Variants in EPG5 observed in about 807,000 individuals in gnomAD.
The protein encoded by EPG5 is ectopic P-granules 5 autophagy tethering factor.
A neutral mutation model predicts 302.7 loss-of-function variants in EPG5; 159 were observed. That is an observed-to-expected ratio of 0.53 (90% CI 0.46 to 0.60). The LOEUF (loss-of-function observed/expected upper bound fraction) is 0.60. Ranked by LOEUF, EPG5 falls within the 20% of genes least tolerant of loss-of-function variation. EPG5 has a pLI of 0.00. For synonymous variants in EPG5, 1,158 were observed against 1,136.8 expected, an observed-to-expected ratio of 1.02 and a Z score of -0.37; for missense variants, 2,896 against 3,092.4, an observed-to-expected ratio of 0.94 and a Z score of 1.51.
chr18:45,913,128 A>C (rs1281378359), intron 21 of EPG5, among the ~76,000 whole-genome samples: 4 of 152,030 alleles, frequency 2.6e-5, no homozygotes, highest in African/African-American at 9.7e-5. Flanking sequence ...AGAAAATGTC[A>C]CTATGTGACT....
At chr18:45,842,866 C>T (rs899882785), downstream of EPG5, 1 of 152,542 alleles carries the variant, frequency 6.6e-6, no homozygotes, top group Non-Finnish European at 1.5e-5. Flanking sequence ...ACACAGAGTT[C>T]CAGAGAGCAA....
chr18:45,835,925 A>G, the EPG5 span, among the ~76,000 whole-genome samples: 4 of 152,220 alleles, frequency 2.6e-5, no homozygotes, highest in South Asian at 4.1e-4. Flanking sequence ...AGAAGGCTCA[A>G]TGGGTCCAGG....
In EPG5 at chr18:45,933,083, C is replaced by G. The variant is rs562246525; in HGVS notation, c.2257+1726G>C. Among the ~76,000 whole-genome samples, 21 of 152,226 alleles carry G rather than the reference C, an allele frequency of 1.4e-4. No homozygotes were observed. The South Asian group carries it at 2.1e-3, about 15-fold the overall frequency. On this transcript the variant is annotated intron_variant, in intron 11 of 43. Coordinates refer to ENST00000282041, the MANE Select transcript of EPG5 (RefSeq NM_020964.3). ...TGCTGCTGACCATCCCAGGCACTTC[C>G]AAAGGAAATGTCTGCTTCTGTATTA... is the stretch of plus-strand genomic sequence containing the variant.
chr18:45,831,548 T>G, the EPG5 span, among the ~76,000 whole-genome samples: 4 of 152,206 alleles, frequency 2.6e-5, no homozygotes, highest in East Asian at 7.7e-4. Context: ...TAATTGCCAC[T>G]GCAACTGTAT....
chr18:45,944,983 A>G (rs2050754911), intron 7 of EPG5, among the ~76,000 whole-genome samples: 2 of 152,174 alleles, frequency 1.3e-5, no homozygotes, highest in Admixed American at 6.5e-5. Flanking sequence ...TTTTCGTTTG[A>G]CACAGAGCAC....
chr18:45,913,565 T>G, intron 21 of EPG5, 141 bp downstream of exon 21: 1 of 1,011,606 alleles, frequency 9.9e-7, no homozygotes, highest in South Asian at 1.6e-5. Flanking sequence ...ATTACACAGT[T>G]TTAAGTATTG....
rs772963749 is a variant in EPG5, at chr18:45,852,631, A to C, written c.7576T>G (p.Ser2526Ala). 5.0e-6 allele frequency: 8 copies of C among 1,613,972 alleles called. No homozygotes were observed. The Admixed American group carries it at 6.7e-5, about 13-fold the overall frequency. Reference sequence around the variant, plus strand: ...ACATACTGCTTACTTGATGCCATGGATTCAAGAGCATTCAGAGCCTAAAAG... The same window carrying C: ...ACATACTGCTTACTTGATGCCATGGCTTCAAGAGCATTCAGAGCCTAAAAG... ...KAQQALNALE[S>A]MASSKQYVEY... The change falls in exon 44 of 44, where the codon TCC becomes GCC. Residue 2526 changes from serine to alanine, a missense_variant. By Grantham distance (99) the Ser-to-Ala change is moderately conservative (BLOSUM62 1). Coordinates refer to ENST00000282041, the MANE Select transcript of EPG5 (RefSeq NM_020964.3).
chr18:45,922,242 T>C (rs572526149), intron 16 of EPG5, 99 bp downstream of exon 16: 4 of 1,456,286 alleles, frequency 2.7e-6, no homozygotes, highest in Non-Finnish European at 3.7e-6. Flanking sequence ...TGCTCCGCAA[T>C]AGGTTTGACA....
At chr18:45,938,458 T>G (rs1449868089) in intron 10 of EPG5, among the ~76,000 whole-genome samples, 1 of 133,214 alleles carries the variant, frequency 7.5e-6, no homozygotes, top group Non-Finnish European at 1.5e-5. Flanking sequence ...TGAGACTCCA[T>G]CTCAAAAAAA....
intron 24 of EPG5, chr18:45,907,214 A>T (rs1225419863): frequency 6.6e-6 from 1 of 152,156 alleles, no homozygotes; most frequent in African/African-American, 2.4e-5. Flanking sequence ...TAAGGATCCA[A>T]ATGAAAGTGT....
At chr18:45,832,316 C>A in the EPG5 span, among the ~76,000 whole-genome samples, 1 of 151,390 alleles carries the variant, frequency 6.6e-6, no homozygotes, top group African/African-American at 2.4e-5. Context: ...ACGTGCCAGG[C>A]ACAGATTGGG....
intron 35 of EPG5, 91 bp from the exon 36 acceptor site, chr18:45,870,833 T>G: frequency 6.0e-6 from 7 of 1,163,426 alleles, no homozygotes; most frequent in Non-Finnish European, 8.3e-6. Context: ...GTCTAAAATC[T>G]AAGGTTCTCA....
In EPG5 at chr18:45,899,604, G is replaced by A. The variant is rs770442163; in HGVS notation, c.4647-38C>T. 4 of 1,611,744 alleles carry A rather than the reference G, an allele frequency of 2.5e-6. No homozygotes were observed. The South Asian group carries it at 4.4e-5, about 18-fold the overall frequency. ...ATCAGGAGGTAAAAGAAAGTCTTAG[G>A]AAAGGTTATATGATAGGTGATAAAG... On this transcript the variant is annotated intron_variant, in intron 26 of 43. Coordinates refer to ENST00000282041, the MANE Select transcript of EPG5 (RefSeq NM_020964.3).
At chr18:45,886,377 G>C (rs1176766883) in intron 29 of EPG5, among the ~76,000 whole-genome samples, 1 of 152,116 alleles carries the variant, frequency 6.6e-6, no homozygotes, top group Non-Finnish European at 1.5e-5. Context: ...TCATGATATA[G>C]GTCTGTATTT....
chr18:45,939,831 C>A (rs1330804501), intron 9 of EPG5, 76 bp from the exon 10 acceptor site: 3 of 1,365,252 alleles, frequency 2.2e-6, no homozygotes, highest in Non-Finnish European at 3.0e-6. Context: ...TTCCAACATT[C>A]ATTTATTCAA....
the EPG5 span, among the ~76,000 whole-genome samples, chr18:45,824,977 G>A: frequency 5.4e-4 from 82 of 152,174 alleles, no homozygotes; most frequent in Middle Eastern, 3.4e-3. Context: ...AGAAGGACAG[G>A]GAGGTGGCTA....
Position 45,858,014 on chromosome 18 carries a change from G to C in EPG5, c.7281C>G (p.Leu2427=). 1 of 1,613,944 alleles carries C rather than the reference G, an allele frequency of 6.2e-7. No homozygotes were observed. Among genetic ancestry groups the C allele is most frequent in the Non-Finnish European group, 8.5e-7 (1 of 1,180,012 alleles). Reference sequence around the variant, plus strand: ...CATTCTGCTCTGTCTGAATGAGGGAGAGCTGAAGGACTTGGTGCCACCACA... The same window carrying C: ...CATTCTGCTCTGTCTGAATGAGGGACAGCTGAAGGACTTGGTGCCACCACA... ...LFLWWHQVLQ[L]SLIQTEQNDS... The change falls in exon 42 of 44, where the codon CTC becomes CTG. Residue 2427 remains leucine, a synonymous_variant. Transcript: ENST00000282041.
At chr18:45,919,091 GA>G (rs961585082) in intron 16 of EPG5, among the ~76,000 whole-genome samples, 10 of 151,898 alleles carry the variant, frequency 6.6e-5, no homozygotes, top group African/African-American at 2.2e-4. Flanking sequence ...AAAATAAACA[GA>G]AAAAAAATCA....
chr18:45,825,907 G>C, the EPG5 span: 1 of 1,123,832 alleles, frequency 8.9e-7, no homozygotes, highest in African/African-American at 1.5e-5. Flanking sequence ...GGAGGAGGAA[G>C]AGCTGCGCTT....
Sources: gnomAD v4.1 joint callset for allele counts (sites outside exome capture counted in the v4.1 genomes callset) on GRCh38, gnomAD v4.1.1 for gene constraint, MANE v1.5 for transcripts, NCBI Gene and HGNC (gene_info 2026-07-23, HGNC 2026-07-21) for gene names.